The following PLD1 variants were observed in gnomAD, a reference collection of about 807,000 sequenced individuals.
PLD1 encodes the protein phospholipase D1, also known as choline phosphatase 1.
Under a neutral mutation model 137.1 loss-of-function variants are expected in PLD1, and 112 were observed. That is an observed-to-expected ratio of 0.82 (90% CI 0.70 to 0.96). PLD1 has a LOEUF of 0.96. Ranked by LOEUF, PLD1 falls within the 40% of genes least tolerant of loss-of-function variation. The pLI, the probability that PLD1 is intolerant of heterozygous loss-of-function variation, is 0.00. For synonymous variants in PLD1, 431 were observed against 454.7 expected (o/e 0.95, Z 0.66); for missense variants, 1,321 against 1,342.0 (o/e 0.98, Z 0.24).
At chr3:171,781,897 G>A (rs970302299) in intron 1 of PLD1, among the ~76,000 whole-genome samples, 1 of 151,974 alleles carries the variant, frequency 6.6e-6, no homozygotes, top group Non-Finnish European at 1.5e-5. Flanking sequence ...TTATCCAAGA[G>A]AAAAGAAAAC....
chr3:171,635,804 T>A (rs543071547), intron 23 of PLD1, among the ~76,000 whole-genome samples: 2 of 151,998 alleles, frequency 1.3e-5, no homozygotes, highest in African/African-American at 4.8e-5. Context: ...TATTTTTATA[T>A]GTTTGCTTGT....
At chr3:171,620,216 C>CT (rs917189977) in intron 24 of PLD1, among the ~76,000 whole-genome samples, 170 bp downstream of exon 24, 51 of 152,158 alleles carry the variant, frequency 3.4e-4, no homozygotes, top group African/African-American at 1.0e-3. Flanking sequence ...ATTTCAACAA[C>CT]TGGGTTAGAA....
At chr3:171,798,920 G>T (rs771463949) in intron 1 of PLD1, among the ~76,000 whole-genome samples, 2 of 152,120 alleles carry the variant, frequency 1.3e-5, no homozygotes, top group African/African-American at 2.4e-5. Context: ...GAGCACAAAG[G>T]TTTCATGGGT....
intron 1 of PLD1, among the ~76,000 whole-genome samples, chr3:171,782,564 C>T (rs745854025): frequency 1.6e-4 from 24 of 151,916 alleles, no homozygotes; most frequent in South Asian, 2.1e-4. Context: ...GGTGACAAGA[C>T]GTATGTTCAA....
At chr3:171,662,700 G>C (rs1461218633) in intron 19 of PLD1, among the ~76,000 whole-genome samples, 2 of 152,162 alleles carry the variant, frequency 1.3e-5, no homozygotes, top group Admixed American at 1.3e-4. Context: ...CCCCTAAATA[G>C]ATATTGTTCA....
chr3:171,782,797 G>A (rs76489505), intron 1 of PLD1, among the ~76,000 whole-genome samples: 2 of 152,288 alleles, frequency 1.3e-5, no homozygotes, highest in African/African-American at 4.8e-5. Flanking sequence ...GAAGAATTAA[G>A]AGGAGGTATT....
At chr3:171,799,306 T>A (rs1176482674) in intron 1 of PLD1, among the ~76,000 whole-genome samples, 1 of 115,136 alleles carries the variant, frequency 8.7e-6, no homozygotes, top group Non-Finnish European at 1.6e-5. Flanking sequence ...ACCACTGCAC[T>A]CCAGCCTGGG....
At chr3:171,773,242 C>T (rs887891442) in intron 1 of PLD1, among the ~76,000 whole-genome samples, 2 of 152,098 alleles carry the variant, frequency 1.3e-5, no homozygotes, top group Admixed American at 6.6e-5. Flanking sequence ...AATAAAACCC[C>T]GCAATAATAA....
chr3:171,613,873 C>A (rs1732879382), intron 24 of PLD1, among the ~76,000 whole-genome samples: 1 of 152,178 alleles, frequency 6.6e-6, no homozygotes, highest in Non-Finnish European at 1.5e-5. Context: ...AGGTGTCCTG[C>A]AAACTACAGA....
chr3:171,645,477 C>G (rs1736125888), intron 21 of PLD1, among the ~76,000 whole-genome samples: 1 of 152,106 alleles, frequency 6.6e-6, no homozygotes, highest in African/African-American at 2.4e-5. Context: ...GCCTAGATCG[C>G]AGGGGCAAAA....
intron 1 of PLD1, among the ~76,000 whole-genome samples, chr3:171,796,878 T>A (rs1177269594): frequency 2.6e-5 from 4 of 152,192 alleles, no homozygotes; most frequent in Admixed American, 2.0e-4. Context: ...TGCTTCTGGA[T>A]GGGGCTGCCT....
At chr3:171,690,562 A>C (rs1715050765) in intron 13 of PLD1, among the ~76,000 whole-genome samples, 7 of 151,882 alleles carry the variant, frequency 4.6e-5, no homozygotes, top group Admixed American at 4.6e-4. Context: ...TTTGTCTCTA[A>C]GTATTTTCTC....
At chr3:171,688,469 C>A (rs558488192) in intron 14 of PLD1, among the ~76,000 whole-genome samples, 29 of 152,286 alleles carry the variant, frequency 1.9e-4, no homozygotes, top group Non-Finnish European at 3.1e-4. Flanking sequence ...AAGAGAAGAA[C>A]AGACTCAGCA....
intron 24 of PLD1, among the ~76,000 whole-genome samples, chr3:171,614,783 G>C (rs1336572368): frequency 6.6e-6 from 1 of 152,178 alleles, no homozygotes; most frequent in African/African-American, 2.4e-5. Context: ...TTTGTTTCGG[G>C]TCAGGAGAAC....
In PLD1 at chr3:171,764,908, G is replaced by A. The variant is rs368992607; in HGVS notation, c.-31-26826C>T. Among the ~76,000 whole-genome samples, 229 of 27,754 alleles carry A rather than the reference G, an allele frequency of 8.3e-3. 15 individuals are homozygous for A. The highest frequency in any genetic ancestry group is 0.025 in the Middle Eastern group (1 of 40). The allele number at this position is 27,754 out of a possible 152,430, so 18.2% of individuals were successfully genotyped here. On this transcript the variant is annotated intron_variant, in intron 1 of 26. Coordinates refer to ENST00000351298, the MANE Select transcript of PLD1 (RefSeq NM_002662.5). Reference sequence around the variant, plus strand: ...GAAAGAAAGAAAGGAAGGAAGGAAGGAAGGAAAGAAAGAAAGGAAAGAAAG... The same window carrying A: ...GAAAGAAAGAAAGGAAGGAAGGAAGAAAGGAAAGAAAGAAAGGAAAGAAAG...
At chr3:171,684,338 C>T (rs745759221) in intron 16 of PLD1, among the ~76,000 whole-genome samples, 2 of 152,190 alleles carry the variant, frequency 1.3e-5, no homozygotes, top group Admixed American at 6.5e-5. Flanking sequence ...CAAAGTTACA[C>T]ATTGAAACGA....
chr3:171,625,159 G>A (rs1030210159), intron 23 of PLD1, among the ~76,000 whole-genome samples: 2 of 152,126 alleles, frequency 1.3e-5, no homozygotes, highest in Non-Finnish European at 2.9e-5. Flanking sequence ...CTAATACTGC[G>A]CTTTTCCAAC....
At chr3:171,642,205 A>C (rs1439923195) in intron 23 of PLD1, among the ~76,000 whole-genome samples, 1 of 152,162 alleles carries the variant, frequency 6.6e-6, no homozygotes, top group Admixed American at 6.5e-5. Context: ...TTGTAATCCC[A>C]GCACTTTGGG....
intron 16 of PLD1, among the ~76,000 whole-genome samples, chr3:171,682,984 T>A (rs1435725669): frequency 6.6e-6 from 1 of 152,228 alleles, no homozygotes; most frequent in Non-Finnish European, 1.5e-5. Flanking sequence ...AAAAAATAAA[T>A]CACCTCACGC....
Sources: allele counts gnomAD v4.1 joint callset (sites outside exome capture counted in the v4.1 genomes callset), GRCh38; gene constraint gnomAD v4.1.1; transcripts MANE v1.5; gene names NCBI Gene and HGNC (gene_info 2026-07-23, HGNC 2026-07-21).